The following PIEZO2 variants were observed in gnomAD, a reference collection of about 807,000 sequenced individuals.
PIEZO2 encodes piezo type mechanosensitive ion channel component 2, also known as piezo-type mechanosensitive ion channel component 2.
In PIEZO2, 172 loss-of-function variants were observed where a neutral mutation model predicts 337.3. The observed-to-expected ratio is 0.51, with a 90% CI of 0.45 to 0.58. The LOEUF is 0.58. Among genes scored for constraint, PIEZO2 ranks in the 20% least tolerant of loss-of-function variants. The pLI is 0.00. For synonymous variants in PIEZO2, 1,251 were observed against 1,228.5 expected, an observed-to-expected ratio of 1.02 and a Z score of -0.38; for missense variants, 3,028 against 3,391.3, an observed-to-expected ratio of 0.89 and a Z score of 2.66.
intron 3 of PIEZO2, among the ~76,000 whole-genome samples, chr18:10,944,556 GATAT>G (rs1203736680): frequency 9.3e-6 from 1 of 107,816 alleles, no homozygotes; most frequent in Non-Finnish European, 1.8e-5. Context: ...CTTAGTAACA[GATAT>G]ATATATATAT....
intron 1 of PIEZO2, among the ~76,000 whole-genome samples, chr18:11,141,590 G>A (rs571612270): frequency 6.6e-6 from 1 of 152,326 alleles, no homozygotes; most frequent in Non-Finnish European, 1.5e-5. Context: ...GGTGCTTGGT[G>A]TGGACAGCAC....
intron 29 of PIEZO2, among the ~76,000 whole-genome samples, chr18:10,749,416 T>C (rs922308975): frequency 1.3e-5 from 2 of 152,144 alleles, no homozygotes; most frequent in Non-Finnish European, 2.9e-5. Context: ...TGAGCTATGA[T>C]TGTGCCACTG....
rs2036556367 is a variant in PIEZO2 at position 10,726,627 on chromosome 18, G to A, written c.5029+4780C>T. On this transcript the variant is annotated intron_variant, in intron 36 of 55. Coordinates refer to ENST00000674853, the MANE Select transcript of PIEZO2 (RefSeq NM_001378183.1). This position sits in a 1 kb window ranked among gnomAD's most constrained non-coding sequence, Gnocchi z 5.9. ...ACGTGCGGGACGCCGACGTGCGCTG[G>A]GAGTACTGCGCGCGCGCCAAGCGCG... 1.0e-5 allele frequency: 14 copies of A among 1,340,340 alleles called. No homozygotes were observed. Among genetic ancestry groups the A allele is most frequent in the Non-Finnish European group, 1.2e-5 (12 of 997,398 alleles). The allele number at this position is 1,340,340 out of a possible 1,614,324, so 83.0% of individuals were successfully genotyped here.
At chr18:10,871,176 T>C (rs974614989) in intron 5 of PIEZO2, 77 bp downstream of exon 5, 4 of 1,369,436 alleles carry the variant, frequency 2.9e-6, no homozygotes, top group Non-Finnish European at 3.9e-6. Context: ...TCAGCTGTTA[T>C]TATCATAGTT....
At chr18:10,857,393 T>A (rs1334189049) in intron 5 of PIEZO2, among the ~76,000 whole-genome samples, 182 bp from the exon 6 acceptor site, 1 of 151,794 alleles carries the variant, frequency 6.6e-6, no homozygotes, top group African/African-American at 2.4e-5. Context: ...CCCAAGTAAC[T>A]CTGATCTTTC....
intron 1 of PIEZO2, among the ~76,000 whole-genome samples, chr18:11,075,422 G>T (rs182070389): frequency 4.6e-4 from 70 of 152,318 alleles, no homozygotes; most frequent in African/African-American, 1.1e-3. Flanking sequence ...CTGATTCATT[G>T]TCTATCAGTG....
intron 2 of PIEZO2, among the ~76,000 whole-genome samples, chr18:11,026,422 G>T (rs2145739540): frequency 6.6e-6 from 1 of 152,134 alleles, no homozygotes; most frequent in South Asian, 2.1e-4. Context: ...TCCCTTCTGT[G>T]ACTTCCCCGT....
rs531964591 is a variant in PIEZO2, at chr18:10,803,200, G to A, written c.1200+675C>T. On this transcript the variant is annotated intron_variant, in intron 9 of 55. Coordinates refer to ENST00000674853, the MANE Select transcript of PIEZO2 (RefSeq NM_001378183.1). ...GTGCTGTCATGTCAGGTGTTGGTGA[G>A]TCGGAAACTGCTGTTTCAGTGAGTT... 3.9e-5 allele frequency among the ~76,000 whole-genome samples: 6 copies of A among 152,252 alleles called. No homozygotes were observed. In the East Asian group the frequency reaches 1.2e-3, roughly 29 times the overall value.
rs186792311 is a variant in PIEZO2, at chr18:10,873,969, G to A, written c.330-2554C>T. Among the ~76,000 whole-genome samples the A allele has an allele frequency of 7.2e-5, 11 of 152,134 alleles. No individual in the cohort carries two copies. The East Asian group carries it at 1.7e-3, about 24-fold the overall frequency. ...GCAACAAAAGCAAAAGTAGACAAAT[G>A]GGATTATATCAAGCTAAAGAGTTTC... On this transcript the variant is annotated intron_variant, in intron 4 of 55. Coordinates refer to ENST00000674853, the MANE Select transcript of PIEZO2 (RefSeq NM_001378183.1).
In PIEZO2 at chr18:10,853,996, A is replaced by C. The variant is rs2041630213; in HGVS notation, c.917+1357T>G. ...TACAGCTGTGCTTCACACAGGTTTA[A>C]GTATCTACTGTGCTCCTCTGAACTA... On this transcript the variant is annotated intron_variant, in intron 7 of 55. Coordinates refer to ENST00000674853, the MANE Select transcript of PIEZO2 (RefSeq NM_001378183.1). This position sits in a 1 kb window ranked among gnomAD's most constrained non-coding sequence, Gnocchi z 4.2. Among the ~76,000 whole-genome samples, 2 of 152,202 alleles carry C rather than the reference A, an allele frequency of 1.3e-5. No homozygotes were observed. The highest frequency in any genetic ancestry group is 4.8e-5 in the African/African-American group (2 of 41,454).
chr18:10,722,267 G>A (rs56942114), intron 36 of PIEZO2, among the ~76,000 whole-genome samples: 2,853 of 148,238 alleles, frequency 0.019, 94 homozygotes, highest in African/African-American at 0.067. Context: ...GTCTCACTCT[G>A]TCACCCAGGC....
At chr18:10,678,763 C>T (rs8097719) in intron 52 of PIEZO2, among the ~76,000 whole-genome samples, 3,321 of 152,140 alleles carry the variant, frequency 0.022, 135 homozygotes, top group African/African-American at 0.075. Context: ...AAGCAGGGGC[C>T]ACGTGCTGGC....
At position 10,672,709 on chromosome 18, in the gene PIEZO2, C is replaced by T. The variant is rs1174455596; in HGVS notation, c.8326G>A (p.Gly2776Arg). The T allele has an allele frequency of 6.2e-7, 1 of 1,613,938 alleles. No homozygotes were observed. The highest frequency in any genetic ancestry group is 1.7e-5 in the Admixed American group (1 of 59,980). ...FNDKVSPPSL[G>R]FLAGYGIMGL... ...CCTTACCCATAGCCAGCCAGGAACC[C>T]CAGACTTGGGGGACTGACTTTGTCA... The change falls in exon 55 of 56, where the codon GGG becomes AGG. Residue 2776 changes from glycine to arginine, a missense_variant. Physicochemically the swap from Gly to Arg is moderately radical, Grantham distance 125. Coordinates refer to ENST00000674853, the MANE Select transcript of PIEZO2 (RefSeq NM_001378183.1). This position sits in a 1 kb window ranked among gnomAD's most constrained non-coding sequence, Gnocchi z 4.7.
chr18:11,147,502 G>T (rs7227861), intron 1 of PIEZO2, among the ~76,000 whole-genome samples: 1 of 152,174 alleles, frequency 6.6e-6, no homozygotes, highest in Non-Finnish European at 1.5e-5. Context: ...ATCAACCTCG[G>T]TCAAGATGCA....
rs184849543 is a variant in PIEZO2, at chr18:11,092,845, T to C, written c.65-26623A>G. ...ATCCCTTCACAGGGCCACATATCTG[T>C]CCAGGGAGCAATCGCCAGCTCTCAC... On this transcript the variant is annotated intron_variant, in intron 1 of 55. Coordinates refer to ENST00000674853, the MANE Select transcript of PIEZO2 (RefSeq NM_001378183.1). This position sits in a 1 kb window ranked among gnomAD's most constrained non-coding sequence, Gnocchi z 4.5. Among the ~76,000 whole-genome samples the C allele has an allele frequency of 1.8e-3, 278 of 152,318 alleles. 1 individual carries two copies. Among genetic ancestry groups the C allele is most frequent in the Middle Eastern group, 3.4e-3 (1 of 294 alleles).
intron 3 of PIEZO2, among the ~76,000 whole-genome samples, chr18:10,956,960 A>T (rs1224311975): frequency 7.4e-6 from 1 of 134,290 alleles, no homozygotes; most frequent in African/African-American, 2.8e-5. Flanking sequence ...CAAGAGCAAA[A>T]CTCCATCTCA....
rs540832238 is a variant in PIEZO2, at chr18:10,853,875, A to C, written c.917+1478T>G. Among the ~76,000 whole-genome samples the C allele has an allele frequency of 3.9e-5, 6 of 152,336 alleles. No individual in the cohort carries two copies. The South Asian group carries it at 1.2e-3, about 32-fold the overall frequency. On this transcript the variant is annotated intron_variant, in intron 7 of 55. Coordinates refer to ENST00000674853, the MANE Select transcript of PIEZO2 (RefSeq NM_001378183.1). This position sits in a 1 kb window ranked among gnomAD's most constrained non-coding sequence, Gnocchi z 4.2. ...ACCATCATACACCTAAGAAATCAGC[A>C]ATAATTCTATAGTCCAATATCCAGT... is the stretch of plus-strand genomic sequence containing the variant.
At chr18:11,103,816 T>C (rs920119693) in intron 1 of PIEZO2, among the ~76,000 whole-genome samples, 2 of 151,768 alleles carry the variant, frequency 1.3e-5, no homozygotes, top group Non-Finnish European at 2.9e-5. Flanking sequence ...TGTGCGTGTG[T>C]GCGTGTGTGC....
chr18:11,041,751 T>C (rs2037131469), intron 2 of PIEZO2, among the ~76,000 whole-genome samples: 1 of 152,228 alleles, frequency 6.6e-6, no homozygotes, highest in South Asian at 2.1e-4. Context: ...GTAAATGCTA[T>C]ACAAATTTGG....
Sources: allele counts gnomAD v4.1 joint callset (sites outside exome capture counted in the v4.1 genomes callset), GRCh38; gene constraint gnomAD v4.1.1; non-coding constraint Gnocchi (gnomAD v3.1); transcripts MANE v1.5; gene names NCBI Gene and HGNC (gene_info 2026-07-23, HGNC 2026-07-21).